The following ELMO1 variants were observed in gnomAD, a reference collection of about 807,000 sequenced individuals.
ELMO1 encodes the protein engulfment and cell motility 1, also known as engulfment and cell motility protein 1.
In ELMO1, 26 loss-of-function variants were observed where a neutral mutation model predicts 98.9. That is an observed-to-expected ratio of 0.26 (90% CI 0.19 to 0.36). The LOEUF (loss-of-function observed/expected upper bound fraction) is 0.36, where lower values mean the gene tolerates loss of function less well. Among genes scored for constraint, ELMO1 ranks in the 10% least tolerant of loss-of-function variants. The probability of loss-of-function intolerance (pLI) is 1.00; values close to 1 mark genes in which losing one functional copy is unlikely to be tolerated. For missense variants in ELMO1, 627 were observed against 935.2 expected (o/e 0.67, Z 4.30); for synonymous variants, 346 against 346.0 (o/e 1.00, Z 0.00).
intron 9 of ELMO1, among the ~76,000 whole-genome samples, chr7:37,222,943 T>C (rs1793677176): frequency 1.3e-5 from 2 of 152,222 alleles, no homozygotes; most frequent in African/African-American, 4.8e-5. Context: ...ATAGGCAGCC[T>C]TCTCTCTTAT....
At chr7:37,100,743 AGTG>A (rs1307748119) in intron 14 of ELMO1, among the ~76,000 whole-genome samples, 1 of 152,210 alleles carries the variant, frequency 6.6e-6, no homozygotes, top group African/African-American at 2.4e-5. Context: ...GGTGAGGCAT[AGTG>A]GCCTCCCCAC....
At chr7:37,122,928 A>G (rs1327088454) in intron 14 of ELMO1, among the ~76,000 whole-genome samples, 2 of 152,236 alleles carry the variant, frequency 1.3e-5, no homozygotes, top group East Asian at 3.8e-4. Context: ...AAATTATAAC[A>G]AACTGTCTCT....
At chr7:37,030,803 T>A (rs1794840157) in intron 15 of ELMO1, among the ~76,000 whole-genome samples, 1 of 152,198 alleles carries the variant, frequency 6.6e-6, no homozygotes, top group Admixed American at 6.5e-5. Context: ...ACTCCTGCAC[T>A]AGGAGGACTA....
At chr7:37,382,590 A>G (rs1180478029) in intron 1 of ELMO1, among the ~76,000 whole-genome samples, 1 of 152,144 alleles carries the variant, frequency 6.6e-6, no homozygotes, top group Non-Finnish European at 1.5e-5. Flanking sequence ...CAACCTTATC[A>G]CCTGAGATGA....
intron 1 of ELMO1, among the ~76,000 whole-genome samples, chr7:37,364,965 A>G (rs1189738534): frequency 6.6e-6 from 1 of 152,214 alleles, no homozygotes; most frequent in African/African-American, 2.4e-5. Flanking sequence ...GACTGTCATA[A>G]CTTGAAAGGT....
At chr7:36,920,868 G>A (rs953652173) in intron 16 of ELMO1, among the ~76,000 whole-genome samples, 27 of 152,126 alleles carry the variant, frequency 1.8e-4, no homozygotes, top group African/African-American at 5.3e-4. Flanking sequence ...GCAGTGTCAA[G>A]GTCTTCATCT....
intron 16 of ELMO1, among the ~76,000 whole-genome samples, chr7:36,988,000 C>A (rs1791631473): frequency 6.6e-6 from 1 of 152,184 alleles, no homozygotes; most frequent in African/African-American, 2.4e-5. Flanking sequence ...TCAGGTGATC[C>A]ATCCACCTTG....
chr7:37,304,449 C>T (rs893512145), intron 4 of ELMO1, among the ~76,000 whole-genome samples: 2 of 152,218 alleles, frequency 1.3e-5, no homozygotes, highest in Non-Finnish European at 2.9e-5. Flanking sequence ...GGCACGGCGG[C>T]TCACGCCTGT....
intron 16 of ELMO1, among the ~76,000 whole-genome samples, chr7:36,977,414 T>G (rs1584468376): frequency 1.3e-5 from 2 of 152,290 alleles, no homozygotes; most frequent in Admixed American, 1.3e-4. Flanking sequence ...CAGAGACAGA[T>G]CACCACACAC....
intron 1 of ELMO1, chr7:37,393,991 C>T (rs564225860): frequency 5.3e-5 from 8 of 152,346 alleles, no homozygotes; most frequent in African/African-American, 1.7e-4. Flanking sequence ...TTAAGTCCTA[C>T]TCACACAATT....
chr7:37,208,713 C>T (rs1792786697), intron 13 of ELMO1, among the ~76,000 whole-genome samples: 2 of 152,120 alleles, frequency 1.3e-5, no homozygotes, highest in Non-Finnish European at 1.5e-5. Flanking sequence ...TTCTGGCTGG[C>T]TGGGTATTCA....
rs145854263 is a variant in ELMO1, at chr7:37,296,847, G to C, written c.192+18003C>G. On this transcript the variant is annotated intron_variant, in intron 4 of 21. Coordinates refer to ENST00000310758, the MANE Select transcript of ELMO1 (RefSeq NM_014800.11). ...AATAAATACTGGAAATCGGGGAAAA[G>C]TACTCAAAACTTACAGAAAAGAGGA... Among the ~76,000 whole-genome samples the C allele has an allele frequency of 2.2e-4, 34 of 152,256 alleles. 1 individual carries two copies. Among genetic ancestry groups the C allele is most frequent in the African/African-American group, 8.2e-4 (34 of 41,550 alleles).
intron 13 of ELMO1, among the ~76,000 whole-genome samples, chr7:37,192,958 A>G (rs1791708446): frequency 7.7e-6 from 1 of 129,464 alleles, no homozygotes; most frequent in Admixed American, 8.9e-5. Flanking sequence ...TATATTTTTT[A>G]TATATATAGG....
At chr7:37,314,280 C>T (rs140928007) in intron 4 of ELMO1, among the ~76,000 whole-genome samples, 222 of 152,178 alleles carry the variant, frequency 1.5e-3, no homozygotes, top group African/African-American at 5.1e-3. Flanking sequence ...TCCAGTGTGC[C>T]CTTCCTCTAT....
In ELMO1 at chr7:37,015,183, T is replaced by C. The variant is rs182814618; in HGVS notation, c.1301-1748A>G. On this transcript the variant is annotated intron_variant, in intron 15 of 21. Transcript: ENST00000310758. Reference sequence around the variant, plus strand: ...AAGTAAGGGCATGGGCCTGGAGCAATGCACAGTCCTGTAGGAAGAGTCCGG... The same window carrying C: ...AAGTAAGGGCATGGGCCTGGAGCAACGCACAGTCCTGTAGGAAGAGTCCGG... 6.2e-4 allele frequency among the ~76,000 whole-genome samples: 94 copies of C among 151,462 alleles called. 1 individual carries two copies. Among genetic ancestry groups the C allele is most frequent in the African/African-American group, 2.3e-3 (93 of 41,260 alleles).
At chr7:37,182,112 GT>G (rs1188710164) in intron 13 of ELMO1, among the ~76,000 whole-genome samples, 1 of 152,164 alleles carries the variant, frequency 6.6e-6, no homozygotes, top group Non-Finnish European at 1.5e-5. Context: ...AAGGCATGGG[GT>G]TTGGTGTGGG....
chr7:36,878,903 G>T (rs1804191264), intron 18 of ELMO1, among the ~76,000 whole-genome samples: 1 of 152,140 alleles, frequency 6.6e-6, no homozygotes, highest in African/African-American at 2.4e-5. Context: ...TATAGGTTAG[G>T]GACTTGAACT....
At chr7:37,424,381 C>T (rs1477315498) in intron 1 of ELMO1, among the ~76,000 whole-genome samples, 1 of 152,148 alleles carries the variant, frequency 6.6e-6, no homozygotes, top group South Asian at 2.1e-4. Context: ...CTTCTCAGTA[C>T]TCATGGGCAG....
rs533712358 is a variant in ELMO1, at chr7:37,181,342, C to T, written c.1086+30044G>A. 5.3e-5 allele frequency among the ~76,000 whole-genome samples: 8 copies of T among 152,056 alleles called. No homozygotes were observed. In the East Asian group the frequency reaches 1.2e-3, roughly 22 times the overall value. ...CTAAGTCACCGAGAAGGAGGATGCC[C>T]GCCTCATCCCTGCAGGGTGGGGTTA... On this transcript the variant is annotated intron_variant, in intron 13 of 21. Transcript: ENST00000310758.
Sources: allele counts gnomAD v4.1 joint callset (sites outside exome capture counted in the v4.1 genomes callset), GRCh38; gene constraint gnomAD v4.1.1; transcripts MANE v1.5; gene names NCBI Gene and HGNC (gene_info 2026-07-23, HGNC 2026-07-21).